Variants in KANSL1 observed in about 807,000 individuals in gnomAD.
The protein encoded by KANSL1 is MLL1/MLL complex subunit KANSL1.
Under a neutral mutation model 103.6 loss-of-function variants are expected in KANSL1, and 22 were observed. That is an observed-to-expected ratio of 0.21 (90% CI 0.15 to 0.30). KANSL1 has a LOEUF of 0.30. KANSL1 is among the 10% of genes least tolerant of loss of function. KANSL1 has a pLI of 1.00. For synonymous variants in KANSL1, 600 were observed against 527.6 expected (o/e 1.14, Z -1.88); for missense variants, 1,337 against 1,399.8 (o/e 0.96, Z 0.72).
At chr17:46,060,929 T>C (rs930414968) in intron 6 of KANSL1, among the ~76,000 whole-genome samples, 2 of 152,136 alleles carry the variant, frequency 1.3e-5, no homozygotes, top group Non-Finnish European at 2.9e-5. Flanking sequence ...CAATCCCCCC[T>C]ATGACAACAA....
chr17:46,156,293 G>A (rs1309047793), intron 2 of KANSL1, among the ~76,000 whole-genome samples: 2 of 152,218 alleles, frequency 1.3e-5, no homozygotes, highest in African/African-American at 4.8e-5. Context: ...GTTGCAGTGA[G>A]CCGAGATGGC....
At chr17:46,166,835 G>A (rs1316849299) in intron 2 of KANSL1, among the ~76,000 whole-genome samples, 1 of 152,144 alleles carries the variant, frequency 6.6e-6, no homozygotes, top group Non-Finnish European at 1.5e-5. Context: ...TAAAAGCTTA[G>A]ACAAACATAC....
chr17:46,213,598 G>A (rs964201868), intron 1 of KANSL1, among the ~76,000 whole-genome samples: 12 of 147,012 alleles, frequency 8.2e-5, no homozygotes, highest in South Asian at 2.4e-4. Context: ...GTGAGCCACC[G>A]TGCCCGGCCC....
chr17:46,062,876 C>T (rs1019358460), intron 6 of KANSL1, among the ~76,000 whole-genome samples: 1 of 151,804 alleles, frequency 6.6e-6, no homozygotes, highest in African/African-American at 2.4e-5. Context: ...ACGGTGAAAC[C>T]TCATCTCTAC....
intron 2 of KANSL1, among the ~76,000 whole-genome samples, chr17:46,137,041 G>A (rs1441953799): frequency 6.6e-6 from 1 of 152,186 alleles, no homozygotes; most frequent in Non-Finnish European, 1.5e-5. Flanking sequence ...GTTCTTTGGG[G>A]TGAGTGTAGG....
chr17:46,050,331 A>G, intron 7 of KANSL1: 1 of 586,752 alleles, frequency 1.7e-6, no homozygotes. Context: ...GAAATCTCAT[A>G]TTAAGTTGCA....
intron 2 of KANSL1, among the ~76,000 whole-genome samples, chr17:46,130,187 CAAAAAAAAAA>C (rs35017603): frequency 1.3e-4 from 10 of 75,472 alleles, no homozygotes; most frequent in African/African-American, 4.2e-4. Flanking sequence ...ATCCTGTCTC[CAAAAAAAAAA>C]AAAAAAAAAA....
chr17:46,134,312 G>A (rs947836679), intron 2 of KANSL1, among the ~76,000 whole-genome samples: 1 of 152,042 alleles, frequency 6.6e-6, no homozygotes, highest in East Asian at 1.9e-4. Context: ...TGGGAGAATC[G>A]CTTGGACCCT....
intron 6 of KANSL1, among the ~76,000 whole-genome samples, chr17:46,055,071 G>A (rs1398659359): frequency 1.3e-5 from 2 of 151,734 alleles, no homozygotes; most frequent in African/African-American, 2.4e-5. Context: ...GGATGGTCTC[G>A]ATCTCCTGAC....
At chr17:46,119,705 C>G (rs1413501670) in intron 2 of KANSL1, among the ~76,000 whole-genome samples, 1 of 152,242 alleles carries the variant, frequency 6.6e-6, no homozygotes, top group Non-Finnish European at 1.5e-5. Flanking sequence ...AACTTGCCTA[C>G]TGTCAATGTT....
At chr17:46,063,312 T>G (rs542407963) in intron 6 of KANSL1, among the ~76,000 whole-genome samples, 1 of 152,372 alleles carries the variant, frequency 6.6e-6, no homozygotes, top group Non-Finnish European at 1.5e-5. Context: ...TCCTTACCAA[T>G]GCAACCTGGC....
chr17:46,058,970 C>T (rs1253557545), intron 6 of KANSL1, among the ~76,000 whole-genome samples: 2 of 151,030 alleles, frequency 1.3e-5, no homozygotes, highest in Non-Finnish European at 2.9e-5. Flanking sequence ...TCGCTTGAAC[C>T]TGGGAGATGG....
intron 2 of KANSL1, among the ~76,000 whole-genome samples, chr17:46,147,773 G>C (rs894676978): frequency 5.3e-5 from 8 of 152,192 alleles, no homozygotes; most frequent in Non-Finnish European, 8.8e-5. Context: ...CTCCACATGA[G>C]GCAACTGCTG....
At chr17:46,212,703 G>T (rs1404117227) in intron 1 of KANSL1, among the ~76,000 whole-genome samples, 7 of 151,864 alleles carry the variant, frequency 4.6e-5, no homozygotes, top group African/African-American at 1.7e-4. Context: ...TTCCCCTTTA[G>T]GATAAATTCC....
chr17:46,193,228 G>A lies in KANSL1; in HGVS notation c.-495C>T, dbSNP rs565834532. On this transcript the variant is annotated 5_prime_UTR_variant, in exon 1 of 15. Coordinates refer to ENST00000432791, the MANE Select transcript of KANSL1 (RefSeq NM_015443.4). ...TGCAGCCCGAACCCGCACCCAGGCCGCCACCCCCGGCCGCCTCTTTCCAGC... is the reference window on the plus strand; with the variant it reads ...TGCAGCCCGAACCCGCACCCAGGCCACCACCCCCGGCCGCCTCTTTCCAGC... The A allele has an allele frequency of 4.1e-3, 620 of 152,452 alleles. 3 individuals carry two copies. Among genetic ancestry groups the A allele is most frequent in the Middle Eastern group, 0.04 (12 of 300 alleles). 9.4% of individuals were successfully genotyped at this position (152,452 alleles called of 1,614,324 possible).
chr17:46,033,314 A>G, intron 12 of KANSL1, 89 bp downstream of exon 12: 1 of 1,472,364 alleles, frequency 6.8e-7, no homozygotes, highest in Admixed American at 1.7e-5. Context: ...CACACCCACA[A>G]GTCTTCAGGC....
chr17:46,214,662 AAAAG>A (rs1019034608), intron 1 of KANSL1, among the ~76,000 whole-genome samples: 1 of 152,254 alleles, frequency 6.6e-6, no homozygotes, highest in African/African-American at 2.4e-5. Flanking sequence ...TCTCAAAAAA[AAAAG>A]AAACAAAAAC....
In KANSL1 at chr17:46,076,722, G is replaced by A. The variant is rs1010941531; in HGVS notation, c.1533+5719C>T. Among the ~76,000 whole-genome samples, 6 of 151,930 alleles carry A rather than the reference G, an allele frequency of 3.9e-5. No individual in the cohort carries two copies. In the South Asian group the frequency reaches 1.2e-3, roughly 31 times the overall value. ...TTCACTTATGTAATCTTTTTCAGAA[G>A]TTTTATGGTTTCAGCAATAAAGTCA... On this transcript the variant is annotated intron_variant, in intron 4 of 14. Coordinates refer to ENST00000432791, the MANE Select transcript of KANSL1 (RefSeq NM_015443.4).
At chr17:46,185,128 A>G (rs1156863030) in intron 1 of KANSL1, among the ~76,000 whole-genome samples, 1 of 152,134 alleles carries the variant, frequency 6.6e-6, no homozygotes, top group African/African-American at 2.4e-5. Flanking sequence ...CGCCTGGCCA[A>G]CTATGTACTT....
Sources: gnomAD v4.1 joint callset for allele counts (sites outside exome capture counted in the v4.1 genomes callset) on GRCh38, gnomAD v4.1.1 for gene constraint, MANE v1.5 for transcripts, NCBI Gene and HGNC (gene_info 2026-07-23, HGNC 2026-07-21) for gene names.